Variants in GRM8 observed in about 807,000 individuals in gnomAD.
The protein encoded by GRM8 is glutamate metabotropic receptor 8.
A neutral mutation model predicts 87.2 loss-of-function variants in GRM8; 47 were observed. The ratio of observed to expected loss-of-function variants is 0.54; its 90% CI spans 0.43 to 0.69. The LOEUF (loss-of-function observed/expected upper bound fraction) is 0.69. GRM8 is among the 30% of genes least tolerant of loss of function. The pLI is 0.00. For synonymous variants in GRM8, 396 were observed against 404.5 expected (o/e 0.98, Z 0.25); for missense variants, 1,019 against 1,139.2 (o/e 0.89, Z 1.52).
At chr7:126,723,863 A>G (rs889135852) in intron 7 of GRM8, among the ~76,000 whole-genome samples, 5 of 152,188 alleles carry the variant, frequency 3.3e-5, no homozygotes, top group South Asian at 2.1e-4. Flanking sequence ...AGGTCAAGGT[A>G]AAAAACACAA....
chr7:126,767,026 C>A (rs1325785051), intron 7 of GRM8, among the ~76,000 whole-genome samples: 2 of 152,076 alleles, frequency 1.3e-5, no homozygotes, highest in African/African-American at 4.8e-5. Flanking sequence ...AAGGTACTTC[C>A]GAGACCAGTA....
intron 6 of GRM8, among the ~76,000 whole-genome samples, chr7:126,783,337 G>A (rs1300041793): frequency 1.3e-5 from 2 of 152,164 alleles, no homozygotes; most frequent in Non-Finnish European, 2.9e-5. Flanking sequence ...GGATGTATAA[G>A]TAAGATAATC....
intron 2 of GRM8, among the ~76,000 whole-genome samples, chr7:127,220,228 A>G (rs1467313283): frequency 6.6e-6 from 1 of 152,184 alleles, no homozygotes; most frequent in Non-Finnish European, 1.5e-5. Context: ...TAGCCCCCAG[A>G]GCTGTCCAGT....
intron 7 of GRM8, among the ~76,000 whole-genome samples, chr7:126,660,556 G>T (rs992818669): frequency 6.6e-6 from 1 of 152,124 alleles, no homozygotes; most frequent in African/African-American, 2.4e-5. Flanking sequence ...TATACTAAAT[G>T]ATTACAGGTG....
chr7:126,827,429 C>T (rs186200028), intron 6 of GRM8, among the ~76,000 whole-genome samples: 141 of 152,292 alleles, frequency 9.3e-4, no homozygotes, highest in African/African-American at 3.1e-3. Flanking sequence ...AGGTCCTTCA[C>T]GTCCCTTGTA....
chr7:126,866,932 A>C (rs1011817047), intron 6 of GRM8, among the ~76,000 whole-genome samples: 12 of 152,036 alleles, frequency 7.9e-5, no homozygotes, highest in Non-Finnish European at 1.5e-4. Context: ...GGTAATTTTT[A>C]AAGTGGTTAT....
At chr7:126,601,235 T>G (rs1457599988) in intron 8 of GRM8, among the ~76,000 whole-genome samples, 1 of 152,066 alleles carries the variant, frequency 6.6e-6, no homozygotes, top group African/African-American at 2.4e-5. Context: ...TCCAATTTCA[T>G]CCATGTCCCT....
chr7:126,748,891 A>G (rs13236505), intron 7 of GRM8, among the ~76,000 whole-genome samples: 59,206 of 151,838 alleles, frequency 0.39, 12,756 homozygotes, highest in Non-Finnish European at 0.48. Context: ...AATGGGAGAC[A>G]GTCTTTTCAA....
Position 127,215,907 on chromosome 7 carries a change from G to A in GRM8, c.510+26788C>T, listed in dbSNP as rs544318869. On this transcript the variant is annotated intron_variant, in intron 2 of 10. Coordinates refer to ENST00000339582, the MANE Select transcript of GRM8 (RefSeq NM_000845.3). Reference sequence around the variant, plus strand: ...GAACTAAAAAAAATGTTTAACATGAGCAGAGGTGAGGTGAGGTGTCAATCA... The same window carrying A: ...GAACTAAAAAAAATGTTTAACATGAACAGAGGTGAGGTGAGGTGTCAATCA... Among the ~76,000 whole-genome samples, 33 of 152,266 alleles carry A rather than the reference G, an allele frequency of 2.2e-4. 2 individuals are homozygous for A. The East Asian group carries it at 6.0e-3, about 28-fold the overall frequency.
chr7:126,509,926 A>T (rs1321377001), intron 9 of GRM8, among the ~76,000 whole-genome samples: 1 of 152,008 alleles, frequency 6.6e-6, no homozygotes, highest in African/African-American at 2.4e-5. Flanking sequence ...AAAATAGGAC[A>T]ATTATTCCCA....
At chr7:126,549,281 A>G (rs1337403714) in intron 8 of GRM8, among the ~76,000 whole-genome samples, 2 of 152,188 alleles carry the variant, frequency 1.3e-5, no homozygotes, top group African/African-American at 4.8e-5. Flanking sequence ...TTTCTGAAGA[A>G]ACATCTGTGC....
chr7:126,459,009 G>GA lies in GRM8; in HGVS notation c.2431-12638dup, dbSNP rs879422583. On this transcript the variant is annotated intron_variant, in intron 9 of 10. Transcript: ENST00000339582. ...TCATGGAACTAGGTAAACTTTAATAGAAAAAAAAAAAGTAAACTCAACAGA... is the reference window on the plus strand; with the variant it reads ...TCATGGAACTAGGTAAACTTTAATAGAAAAAAAAAAAAGTAAACTCAACAGA... Among the ~76,000 whole-genome samples the GA allele has an allele frequency of 1.8e-3, 244 of 133,346 alleles. 1 individual carries two copies. Among genetic ancestry groups the GA allele is most frequent in the Middle Eastern group, 4.0e-3 (1 of 250 alleles). 87.5% of individuals were successfully genotyped at this position (133,346 alleles called of 152,430 possible).
intron 6 of GRM8, among the ~76,000 whole-genome samples, chr7:126,851,690 T>C (rs1797228552): frequency 6.6e-6 from 1 of 152,110 alleles, no homozygotes; most frequent in Non-Finnish European, 1.5e-5. Flanking sequence ...GCTATCTCCA[T>C]GTATTCCTTC....
intron 3 of GRM8, among the ~76,000 whole-genome samples, chr7:126,977,333 C>T (rs1040547388): frequency 3.9e-5 from 6 of 152,112 alleles, no homozygotes; most frequent in African/African-American, 1.4e-4. Flanking sequence ...TTTGTGCTAC[C>T]ATAAAATGCA....
chr7:127,022,158 C>T (rs1446167583), intron 3 of GRM8, among the ~76,000 whole-genome samples: 1 of 151,128 alleles, frequency 6.6e-6, no homozygotes, highest in Non-Finnish European at 1.5e-5. Context: ...TTCCTTTGAA[C>T]TGATAATGTT....
chr7:127,116,645 A>G (rs991025467), intron 2 of GRM8, among the ~76,000 whole-genome samples: 2 of 152,220 alleles, frequency 1.3e-5, no homozygotes, highest in African/African-American at 4.8e-5. Context: ...CATTAAGTTG[A>G]CACATTGAAA....
At chr7:126,708,125 T>C (rs1396862895) in intron 7 of GRM8, among the ~76,000 whole-genome samples, 3 of 152,056 alleles carry the variant, frequency 2.0e-5, no homozygotes, top group Admixed American at 1.3e-4. Flanking sequence ...AATAGGTATA[T>C]GAAAAAATGT....
chr7:126,682,197 A>G (rs916208732), intron 7 of GRM8, among the ~76,000 whole-genome samples: 5 of 152,356 alleles, frequency 3.3e-5, no homozygotes, highest in Non-Finnish European at 5.9e-5. Flanking sequence ...CCTTTAGATC[A>G]GAGATAGAAA....
rs918708739 is a variant in GRM8 at position 126,778,969 on chromosome 7, C to G, written c.1157-8904G>C. ...AATGACCATTTGTATATTGGTGTGGCGTCTTACATTTCTTTCTTTGCCTCT... is the reference window on the plus strand; with the variant it reads ...AATGACCATTTGTATATTGGTGTGGGGTCTTACATTTCTTTCTTTGCCTCT... On this transcript the variant is annotated intron_variant, in intron 6 of 10. Transcript: ENST00000339582. Among the ~76,000 whole-genome samples, 3 of 151,926 alleles carry G rather than the reference C, an allele frequency of 2.0e-5. No homozygotes were observed. In the East Asian group the frequency reaches 5.8e-4, roughly 29 times the overall value.
Sources: gnomAD v4.1 joint callset for allele counts (sites outside exome capture counted in the v4.1 genomes callset) on GRCh38, gnomAD v4.1.1 for gene constraint, MANE v1.5 for transcripts, NCBI Gene and HGNC (gene_info 2026-07-23, HGNC 2026-07-21) for gene names.